Variants in LHFPL3 observed in about 807,000 individuals in gnomAD.
The protein encoded by LHFPL3 is LHFPL tetraspan subfamily member 3.
Under a neutral mutation model 19.3 loss-of-function variants are expected in LHFPL3, and 5 were observed. That is an observed-to-expected ratio of 0.26 (90% CI 0.14 to 0.54). The LOEUF is 0.54. Ranked by LOEUF, LHFPL3 falls within the 20% of genes least tolerant of loss-of-function variation. The pLI is 0.94. For missense variants in LHFPL3, 249 were observed against 307.4 expected (o/e 0.81, Z 1.42); for synonymous variants, 133 against 126.2 (o/e 1.05, Z -0.36).
intron 1 of LHFPL3, among the ~76,000 whole-genome samples, chr7:104,478,528 A>T (rs1047807716): frequency 2.8e-4 from 42 of 152,158 alleles, no homozygotes; most frequent in African/African-American, 9.7e-4. Flanking sequence ...AGTGGGGAAC[A>T]AGCAAAGCCT....
chr7:104,600,732 A>G (rs1220339286), intron 1 of LHFPL3, among the ~76,000 whole-genome samples: 1 of 152,242 alleles, frequency 6.6e-6, no homozygotes, highest in Non-Finnish European at 1.5e-5. Context: ...CCTATGGCCT[A>G]TAAGGGGATG....
intron 1 of LHFPL3, among the ~76,000 whole-genome samples, chr7:104,459,765 A>G (rs761282376): frequency 4.0e-5 from 6 of 151,896 alleles, no homozygotes; most frequent in Middle Eastern, 3.2e-3. Context: ...AGTAAGGTAT[A>G]CTCCTTTTTT....
chr7:104,566,156 G>C (rs569674920), intron 1 of LHFPL3, among the ~76,000 whole-genome samples: 1 of 152,108 alleles, frequency 6.6e-6, no homozygotes, highest in African/African-American at 2.4e-5. Flanking sequence ...GACCAGTCTG[G>C]GCAACATAGT....
intron 2 of LHFPL3, among the ~76,000 whole-genome samples, chr7:104,795,204 A>C (rs1202661976): frequency 1.3e-5 from 2 of 152,172 alleles, no homozygotes; most frequent in African/African-American, 2.4e-5. Context: ...CAAACATAGA[A>C]GTGTATTATT....
chr7:104,465,645 C>T (rs1792765779), intron 1 of LHFPL3, among the ~76,000 whole-genome samples: 1 of 152,184 alleles, frequency 6.6e-6, no homozygotes, highest in African/African-American at 2.4e-5. Flanking sequence ...CCTTATAAAA[C>T]CATCAGATCT....
At chr7:104,548,658 G>C (rs1794614271) in intron 1 of LHFPL3, among the ~76,000 whole-genome samples, 1 of 152,180 alleles carries the variant, frequency 6.6e-6, no homozygotes, top group South Asian at 2.1e-4. Flanking sequence ...CCCTGTCAAG[G>C]AGGGCTATAG....
chr7:104,618,349 A>G (rs1326080924), intron 1 of LHFPL3, among the ~76,000 whole-genome samples: 2 of 152,186 alleles, frequency 1.3e-5, no homozygotes, highest in Non-Finnish European at 2.9e-5. Context: ...ATTGACTCAT[A>G]TGATCTTCAT....
intron 1 of LHFPL3, among the ~76,000 whole-genome samples, chr7:104,459,863 A>G (rs1373017048): frequency 1.3e-5 from 2 of 152,168 alleles, no homozygotes; most frequent in Admixed American, 1.3e-4. Flanking sequence ...GATTTTTCTA[A>G]CTTTTATTTT....
intron 1 of LHFPL3, among the ~76,000 whole-genome samples, chr7:104,667,322 G>A (rs1489919322): frequency 6.6e-6 from 1 of 151,528 alleles, no homozygotes; most frequent in Non-Finnish European, 1.5e-5. Context: ...GCACATAAAC[G>A]TGTTTTATGG....
At chr7:104,483,772 T>A (rs1202267014) in intron 1 of LHFPL3, among the ~76,000 whole-genome samples, 1 of 152,096 alleles carries the variant, frequency 6.6e-6, no homozygotes, top group Admixed American at 6.5e-5. Context: ...TGCACCACCA[T>A]GACCAGCTAT....
chr7:104,709,822 G>T, intron 1 of LHFPL3, among the ~76,000 whole-genome samples: 1 of 129,464 alleles, frequency 7.7e-6, no homozygotes, highest in East Asian at 2.1e-4. Flanking sequence ...GCGAAGAGGC[G>T]TTCCTCACTT....
chr7:104,660,624 A>G (rs957882676), intron 1 of LHFPL3, among the ~76,000 whole-genome samples: 3 of 152,152 alleles, frequency 2.0e-5, no homozygotes, highest in Admixed American at 2.0e-4. Flanking sequence ...TTTACCTTCT[A>G]CTGTGTATAG....
At chr7:104,387,116 G>A (rs1790961710) in intron 1 of LHFPL3, among the ~76,000 whole-genome samples, 1 of 152,248 alleles carries the variant, frequency 6.6e-6, no homozygotes, top group Middle Eastern at 3.4e-3. Flanking sequence ...CATGTCTAAA[G>A]AAATGAAGAG....
intron 2 of LHFPL3, among the ~76,000 whole-genome samples, chr7:104,905,377 A>G (rs1792577324): frequency 6.6e-6 from 1 of 152,154 alleles, no homozygotes; most frequent in African/African-American, 2.4e-5. Flanking sequence ...AATATTGAGC[A>G]TAGAGTAGAA....
At chr7:104,696,657 T>C (rs1793001470) in intron 1 of LHFPL3, among the ~76,000 whole-genome samples, 1 of 152,056 alleles carries the variant, frequency 6.6e-6, no homozygotes, top group Admixed American at 6.5e-5. Context: ...CAGCAATAAC[T>C]AAAAAATAAT....
At chr7:104,804,574 T>G (rs534071115) in intron 2 of LHFPL3, among the ~76,000 whole-genome samples, 2 of 152,288 alleles carry the variant, frequency 1.3e-5, no homozygotes, top group Admixed American at 1.3e-4. Context: ...TTACATAAGA[T>G]TGTGATTTCC....
At chr7:104,540,123 G>A (rs1041751261) in intron 1 of LHFPL3, among the ~76,000 whole-genome samples, 1 of 152,076 alleles carries the variant, frequency 6.6e-6, no homozygotes, top group African/African-American at 2.4e-5. Context: ...GAATGTATTT[G>A]AAAATTCATT....
At chr7:104,380,681 G>A (rs773222489) in intron 1 of LHFPL3, among the ~76,000 whole-genome samples, 2 of 152,150 alleles carry the variant, frequency 1.3e-5, no homozygotes, top group Non-Finnish European at 2.9e-5. Context: ...ATAAGCCTAT[G>A]AATCAACAGC....
At chr7:104,787,439 GC>G (rs1789938533) in intron 2 of LHFPL3, among the ~76,000 whole-genome samples, 1 of 152,210 alleles carries the variant, frequency 6.6e-6, no homozygotes, top group Non-Finnish European at 1.5e-5. Flanking sequence ...AGTTCTGCAA[GC>G]TGGGAAGTCC....
Sources: gnomAD v4.1 joint callset for allele counts (sites outside exome capture counted in the v4.1 genomes callset) on GRCh38, gnomAD v4.1.1 for gene constraint, MANE v1.5 for transcripts, NCBI Gene and HGNC (gene_info 2026-07-23, HGNC 2026-07-21) for gene names.